ZNF695: variants seen among roughly 807,000 people sequenced by gnomAD.
ZNF695 encodes zinc finger protein 695, also known as zinc finger protein SBZF3.
A neutral mutation model predicts 11.2 loss-of-function variants in ZNF695; 11 were observed. The ratio of observed to expected loss-of-function variants is 0.98; its 90% CI spans 0.62 to 1.62. The LOEUF (loss-of-function observed/expected upper bound fraction) is 1.62, where lower values mean the gene tolerates loss of function less well. Ranked by LOEUF, ZNF695 falls within the 40% of genes most tolerant of loss-of-function variation. The pLI, the probability that ZNF695 is intolerant of heterozygous loss-of-function variation, is 0.00. For missense variants in ZNF695, 559 were observed against 590.5 expected (o/e 0.95, Z 0.55); for synonymous variants, 190 against 201.4 (o/e 0.94, Z 0.48).
chr1:246,954,143 G>T (rs536471352), intron 5 of ZNF695, among the ~76,000 whole-genome samples: 1 of 152,092 alleles, frequency 6.6e-6, no homozygotes, highest in African/African-American at 2.4e-5. Flanking sequence ...ATGAATGAAC[G>T]AATGACTTCA....
At chr1:246,982,324 T>A (rs185570688), downstream of ZNF695, among the ~76,000 whole-genome samples, 416 of 151,558 alleles carry the variant, frequency 2.7e-3, 1 homozygote, top group African/African-American at 9.4e-3. Flanking sequence ...GAAGTCATTC[T>A]ATTATTGTTC....
chr1:246,965,505 G>A (rs1475898326), intron 5 of ZNF695, among the ~76,000 whole-genome samples: 1 of 152,190 alleles, frequency 6.6e-6, no homozygotes, highest in East Asian at 1.9e-4. Flanking sequence ...GGAAGGCTGA[G>A]GCAGGCCGAT....
At chr1:246,948,085 CTTTTT>C (rs1667784426) in intron 5 of ZNF695, among the ~76,000 whole-genome samples, 1 of 151,854 alleles carries the variant, frequency 6.6e-6, no homozygotes, top group African/African-American at 2.4e-5. Flanking sequence ...TTTTTCTTTT[CTTTTT>C]TGAGACAGGA....
downstream of ZNF695, among the ~76,000 whole-genome samples, chr1:246,984,705 T>C (rs1210636875): frequency 6.6e-6 from 1 of 152,166 alleles, no homozygotes; most frequent in Non-Finnish European, 1.5e-5. Context: ...ACAAAAAAAG[T>C]TGGCTCGAAT....
intron 4 of ZNF695, among the ~76,000 whole-genome samples, chr1:246,972,706 G>A (rs1668457362): frequency 6.6e-6 from 1 of 151,940 alleles, no homozygotes. Context: ...TTTTAGTAGA[G>A]ACAGGGTTTC....
intron 3 of ZNF695, among the ~76,000 whole-genome samples, chr1:246,990,829 T>C (rs1339952898): frequency 6.6e-6 from 1 of 152,106 alleles, no homozygotes; most frequent in Non-Finnish European, 1.5e-5. Flanking sequence ...TACAAATACA[T>C]GGAAATTAAA....
Position 246,988,092 on chromosome 1 carries a change from A to T in ZNF695, c.423T>A (p.Tyr141Ter). The T allele has an allele frequency of 6.2e-7, 1 of 1,613,536 alleles. No homozygotes were observed. The highest frequency in any genetic ancestry group is 1.1e-5 in the South Asian group (1 of 90,942). The change falls in exon 4 of 4, where the codon TAT becomes TAA. Residue 141 changes from tyrosine to a stop codon, truncating the protein, a stop_gained. Transcript: ENST00000339986. LOFTEE classifies it low-confidence loss of function (END_TRUNC). ...VGEWKGQKAS[Y>*]NGLDLCSATT... ...TTGCTGAGCATAGGTCAAGTCCATT[A>T]TAACTTGCCTTCTGCCCTTTCCACT... is the stretch of plus-strand genomic sequence containing the variant.
downstream of ZNF695, among the ~76,000 whole-genome samples, chr1:246,984,276 GT>G (rs200115058): frequency 9.0e-5 from 12 of 132,912 alleles, no homozygotes; most frequent in African/African-American, 2.7e-4. Context: ...CATAACACAG[GT>G]TTTAAAAAAA....
rs185082300 is a variant in ZNF695 at position 246,945,819 on chromosome 1, G to A, written c.497C>T (p.Ser166Leu). The A allele has an allele frequency of 2.8e-3, 4,350 of 1,550,076 alleles. 23 individuals carry two copies. Among genetic ancestry groups the A allele is most frequent in the Non-Finnish European group, 2.6e-3 (3,016 of 1,146,874 alleles). The change falls in exon 6 of 6, where the codon TCG becomes TTG. Residue 166 changes from serine (S) to leucine (L), a missense_variant. Physicochemically the swap from Ser to Leu is moderately radical, Grantham distance 145 (BLOSUM62 -2). Transcript: ENST00000487338. ...TCTTCAAAGCAGCTCGATGGTCGAC[G>A]ACTGGACCCTGAAAAAAAGAAAGAA...
intron 5 of ZNF695, among the ~76,000 whole-genome samples, chr1:246,960,962 GT>G (rs1428092692): frequency 6.6e-6 from 1 of 152,080 alleles, no homozygotes; most frequent in Non-Finnish European, 1.5e-5. Flanking sequence ...AGAGAGAGCT[GT>G]AAAAGTAAAG....
In ZNF695 at chr1:246,950,733, T is replaced by G. The variant is rs370334665; in HGVS notation, c.489-4906A>C. ...CAGGGATTTGTAAAGCTATTAACAT[T>G]TCATTGCTCTCCTGGCTCTGTCTCT... On this transcript the variant is annotated intron_variant, in intron 5 of 5. Transcript: ENST00000487338. Among the ~76,000 whole-genome samples the G allele has an allele frequency of 2.6e-4, 40 of 151,964 alleles. No homozygotes were observed. In the East Asian group the frequency reaches 6.8e-3, roughly 26 times the overall value.
At chr1:246,997,016 CATA>C (rs1361350716) in intron 3 of ZNF695, among the ~76,000 whole-genome samples, 1 of 152,020 alleles carries the variant, frequency 6.6e-6, no homozygotes, top group Non-Finnish European at 1.5e-5. Context: ...ACTTTTGCAC[CATA>C]ATGTCTTGAA....
chr1:246,996,228 T>C (rs1669206766), intron 3 of ZNF695: 5 of 320,154 alleles, frequency 1.6e-5, no homozygotes, highest in Non-Finnish European at 3.0e-5. Context: ...TGGTGGTGCA[T>C]GCCTGTAGTC....
chr1:246,979,604 G>A (rs1401080694), intron 4 of ZNF695, among the ~76,000 whole-genome samples: 4 of 151,948 alleles, frequency 2.6e-5, no homozygotes, highest in Admixed American at 6.6e-5. Flanking sequence ...CTACCCATTC[G>A]CTAGGTGAAA....
rs1010290518 is a variant in ZNF695 at position 246,985,477 on chromosome 1, C to A, written c.*1490G>T. On this transcript the variant is annotated 3_prime_UTR_variant, in exon 4 of 4. Coordinates refer to ENST00000339986, the MANE Select transcript of ZNF695 (RefSeq NM_020394.5). Reference sequence around the variant, plus strand: ...CTGGGAGAAGGGATCATTAGAGATACTATTCCACCATGTTACCCACTATTG... The same window carrying A: ...CTGGGAGAAGGGATCATTAGAGATAATATTCCACCATGTTACCCACTATTG... The A allele has an allele frequency of 3.0e-6, 3 of 985,348 alleles. No individual in the cohort carries two copies. The highest frequency in any genetic ancestry group is 3.6e-6 in the Non-Finnish European group (3 of 829,896). 61.0% of individuals were successfully genotyped at this position (985,348 alleles called of 1,614,324 possible).
exon 6 of ZNF695, chr1:246,945,800 A>G (rs1667719251): frequency 6.5e-7 from 1 of 1,550,196 alleles, no homozygotes; most frequent in Non-Finnish European, 8.7e-7. Context: ...AGGGTCTTCA[A>G]AGCAGCTCGA....
In ZNF695 at chr1:246,995,994, T is replaced by C. The variant is rs1158460066; in HGVS notation, c.259+3354A>G. 4 of 452,438 alleles carry C rather than the reference T, an allele frequency of 8.8e-6. No homozygotes were observed. In the Admixed American group the frequency reaches 9.6e-5, roughly 11 times the overall value. 28.0% of individuals were successfully genotyped at this position (452,438 alleles called of 1,614,324 possible). A position where few individuals can be genotyped will look rare whatever the true frequency, so the allele number is the denominator to read the frequency against. ...TTATTGCAACATTATTCACAAAAGC[T>C]GATAGGGGAAAACAACCCAAACTTA... On this transcript the variant is annotated intron_variant, in intron 3 of 3. Coordinates refer to ENST00000339986, the MANE Select transcript of ZNF695 (RefSeq NM_020394.5).
intron 1 of ZNF695, among the ~76,000 whole-genome samples, chr1:247,006,176 G>T (rs1052061479): frequency 4.8e-5 from 7 of 147,154 alleles, no homozygotes; most frequent in African/African-American, 1.8e-4. Context: ...TGTGAGCCAA[G>T]ATTGCACCAT....
intron 3 of ZNF695, among the ~76,000 whole-genome samples, chr1:246,996,684 A>G (rs1302748807): frequency 6.6e-6 from 1 of 152,246 alleles, no homozygotes; most frequent in Non-Finnish European, 1.5e-5. Flanking sequence ...AAAGTATCTC[A>G]TGTACCCCAT....
Sources: allele counts gnomAD v4.1 joint callset (sites outside exome capture counted in the v4.1 genomes callset), GRCh38; gene constraint gnomAD v4.1.1; transcripts MANE v1.5; gene names NCBI Gene and HGNC (gene_info 2026-07-23, HGNC 2026-07-21).